The following PARD3B variants were observed in gnomAD, a reference collection of about 807,000 sequenced individuals.
PARD3B encodes the protein partitioning defective 3 homolog B.
In PARD3B, 103 loss-of-function variants were observed where a neutral mutation model predicts 130.2. The observed-to-expected ratio is 0.79, with a 90% CI of 0.67 to 0.93. The LOEUF (loss-of-function observed/expected upper bound fraction) is 0.93, where lower values mean the gene tolerates loss of function less well. Ranked by LOEUF, PARD3B falls within the 40% of genes least tolerant of loss-of-function variation. The probability of loss-of-function intolerance (pLI) is 0.00; values close to 1 mark genes in which losing one functional copy is unlikely to be tolerated. For synonymous variants in PARD3B, 583 were observed against 553.2 expected (o/e 1.05, Z -0.76); for missense variants, 1,609 against 1,499.2 (o/e 1.07, Z -1.21).
In PARD3B at chr2:205,568,172, A is replaced by T. The variant is rs915732731; in HGVS notation, c.3260+14769A>T. Among the ~76,000 whole-genome samples, 18 of 152,148 alleles carry T rather than the reference A, an allele frequency of 1.2e-4. No homozygotes were observed. Among genetic ancestry groups the T allele is most frequent in the Non-Finnish European group, 2.6e-4 (18 of 68,032 alleles). On this transcript the variant is annotated intron_variant, in intron 22 of 22. Coordinates refer to ENST00000406610, the MANE Select transcript of PARD3B (RefSeq NM_001302769.2). The surrounding 1 kb of genome is among the most constrained non-coding windows in gnomAD (Gnocchi z 5.3). ...GGGCAGTCTGCTGCCACAACTAAGG[A>T]AGTGTGAAGGCTCAGGGTTCAAAGC...
At chr2:204,777,855 G>A (rs942911903) in intron 2 of PARD3B, among the ~76,000 whole-genome samples, 9 of 152,164 alleles carry the variant, frequency 5.9e-5, no homozygotes, top group African/African-American at 9.6e-5. Flanking sequence ...CCCACATGTC[G>A]AGAGAGGGAG....
intron 11 of PARD3B, among the ~76,000 whole-genome samples, chr2:205,162,258 A>G (rs1481161376): frequency 6.6e-6 from 1 of 152,154 alleles, no homozygotes; most frequent in African/African-American, 2.4e-5. Flanking sequence ...TTGATATTTA[A>G]CTTCAAGTCT....
intron 18 of PARD3B, among the ~76,000 whole-genome samples, chr2:205,361,410 T>A (rs111711970): frequency 6.6e-6 from 1 of 152,192 alleles, no homozygotes; most frequent in Admixed American, 6.5e-5. Context: ...ATCTCCCTAC[T>A]CTTCTGGACA....
At chr2:205,092,101 T>G (rs1365763191) in intron 4 of PARD3B, among the ~76,000 whole-genome samples, 1 of 151,968 alleles carries the variant, frequency 6.6e-6, no homozygotes, top group African/African-American at 2.4e-5. Context: ...CTGAGTGAGG[T>G]CAAGGTGTAA....
chr2:205,213,023 T>G (rs1330715254), intron 15 of PARD3B, among the ~76,000 whole-genome samples: 2 of 152,098 alleles, frequency 1.3e-5, no homozygotes, highest in East Asian at 1.9e-4. Flanking sequence ...TAGTAAATGG[T>G]GGGGCCAGGA....
chr2:204,618,784 T>C (rs950158481), intron 1 of PARD3B, among the ~76,000 whole-genome samples: 5 of 152,144 alleles, frequency 3.3e-5, no homozygotes, highest in African/African-American at 4.8e-5. Flanking sequence ...TGAACCCCTC[T>C]AGTTTTATCT....
chr2:205,325,535 G>GTAGTAGTAT lies in PARD3B; in HGVS notation c.2630+23842_2630+23843insTTAGTAGTA, dbSNP rs1440968904. Among the ~76,000 whole-genome samples the GTAGTAGTAT allele has an allele frequency of 6.6e-6, 1 of 151,872 alleles. No homozygotes were observed. ...ATCATCTCATTGTTTATTAGTAGTA[G>GTAGTAGTAT]TAGTAGTAGTAGTCTCAGAGTCTTC... On this transcript the variant is annotated intron_variant, in intron 18 of 22. Coordinates refer to ENST00000406610, the MANE Select transcript of PARD3B (RefSeq NM_001302769.2). This position sits in a 1 kb window ranked among gnomAD's most constrained non-coding sequence, Gnocchi z 4.1.
Position 204,758,076 on chromosome 2 carries a change from A to G in PARD3B, c.222+71794A>G, listed in dbSNP as rs535363862. Among the ~76,000 whole-genome samples the G allele has an allele frequency of 2.3e-3, 350 of 152,278 alleles. 1 individual carries two copies. The highest frequency in any genetic ancestry group is 0.014 in the Middle Eastern group (4 of 294). ...TGCTTTGTTCAGTTGGGGCCACACC[A>G]TATGCATTCAGCCTAGCTTAGCAGA... On this transcript the variant is annotated intron_variant, in intron 2 of 22. Coordinates refer to ENST00000406610, the MANE Select transcript of PARD3B (RefSeq NM_001302769.2).
At chr2:204,739,935 GC>G (rs200314233) in intron 2 of PARD3B, among the ~76,000 whole-genome samples, 5 of 151,150 alleles carry the variant, frequency 3.3e-5, no homozygotes, top group African/African-American at 9.7e-5. Flanking sequence ...AATATACAAT[GC>G]CCCTTTTTTT....
chr2:205,107,231 A>G (rs1038762582), intron 5 of PARD3B, among the ~76,000 whole-genome samples: 5 of 152,222 alleles, frequency 3.3e-5, no homozygotes, highest in Non-Finnish European at 7.3e-5. Flanking sequence ...TTGATCCCAC[A>G]TATTACTGTT....
At chr2:205,251,430 A>G (rs1283188725) in intron 16 of PARD3B, among the ~76,000 whole-genome samples, 1 of 152,190 alleles carries the variant, frequency 6.6e-6, no homozygotes, top group African/African-American at 2.4e-5. Context: ...CAGGCCTTAC[A>G]TTTTGTTCTA....
chr2:205,245,032 A>G (rs1310122519), intron 15 of PARD3B, among the ~76,000 whole-genome samples: 1 of 152,208 alleles, frequency 6.6e-6, no homozygotes, highest in Non-Finnish European at 1.5e-5. Context: ...TTTTCTGAAG[A>G]TAGTATTGCT....
intron 18 of PARD3B, among the ~76,000 whole-genome samples, chr2:205,334,127 C>T (rs1484275923): frequency 6.6e-6 from 1 of 152,170 alleles, no homozygotes; most frequent in Non-Finnish European, 1.5e-5. Context: ...CAACTCAGCA[C>T]ATTCTTCTTT....
chr2:205,422,778 C>A (rs533148976), intron 19 of PARD3B, among the ~76,000 whole-genome samples: 1 of 152,068 alleles, frequency 6.6e-6, no homozygotes, highest in South Asian at 2.1e-4. Context: ...ACTAGGTAGG[C>A]CAAGGAATAG....
At chr2:205,521,598 C>T (rs2051062690) in intron 21 of PARD3B, among the ~76,000 whole-genome samples, 1 of 151,916 alleles carries the variant, frequency 6.6e-6, no homozygotes, top group South Asian at 2.1e-4. Flanking sequence ...TGAATAGACT[C>T]TAATGTTGAA....
chr2:204,730,092 C>T (rs900552189), intron 2 of PARD3B, among the ~76,000 whole-genome samples: 8 of 150,824 alleles, frequency 5.3e-5, no homozygotes, highest in Admixed American at 2.0e-4. Context: ...TTTTTTGAGA[C>T]GGACAGAGTT....
At chr2:205,228,458 G>A (rs2038675602) in intron 15 of PARD3B, among the ~76,000 whole-genome samples, 1 of 152,046 alleles carries the variant, frequency 6.6e-6, no homozygotes, top group Non-Finnish European at 1.5e-5. Context: ...GGTTTCCACT[G>A]AGAAGTCTGC....
intron 4 of PARD3B, among the ~76,000 whole-genome samples, chr2:205,054,437 T>TATATATATATATTTATATATATA (rs1491373014): frequency 3.6e-5 from 1 of 27,522 alleles, no homozygotes; most frequent in African/African-American, 1.7e-4. Flanking sequence ...TATATATATA[T>TATATATATATATTTATATATATA]TTTTTTTTTT....
At chr2:205,304,249 T>G (rs748750301) in intron 18 of PARD3B, among the ~76,000 whole-genome samples, 4 of 152,168 alleles carry the variant, frequency 2.6e-5, no homozygotes, top group Admixed American at 6.5e-5. Context: ...TGCCCCTGGA[T>G]GTGTTATGAC....
Sources: allele counts gnomAD v4.1 joint callset (sites outside exome capture counted in the v4.1 genomes callset), GRCh38; gene constraint gnomAD v4.1.1; non-coding constraint Gnocchi (gnomAD v3.1); transcripts MANE v1.5; gene names NCBI Gene and HGNC (gene_info 2026-07-23, HGNC 2026-07-21).